DDX1: variants seen among roughly 807,000 people sequenced by gnomAD.
DDX1 encodes the protein DEAD-box helicase 1, also known as ATP-dependent RNA helicase DDX1.
A neutral mutation model predicts 108.7 loss-of-function variants in DDX1; 28 were observed. The ratio of observed to expected loss-of-function variants is 0.26; its 90% CI spans 0.19 to 0.35. The LOEUF (loss-of-function observed/expected upper bound fraction) is 0.35, where lower values mean the gene tolerates loss of function less well. Ranked by LOEUF, DDX1 falls within the 10% of genes least tolerant of loss-of-function variation. The pLI, the probability that DDX1 is intolerant of heterozygous loss-of-function variation, is 1.00. For missense variants in DDX1, 710 were observed against 884.5 expected (o/e 0.80, Z 2.50); for synonymous variants, 295 against 288.9 (o/e 1.02, Z -0.21).
At chr2:15,605,743 C>G (rs1474213387) in intron 10 of DDX1, among the ~76,000 whole-genome samples, 3 of 152,024 alleles carry the variant, frequency 2.0e-5, no homozygotes, top group African/African-American at 7.3e-5. Flanking sequence ...AACTTGTAGA[C>G]AGGGAGTAAT....
chr2:15,615,881 T>TA (rs1325126001), intron 14 of DDX1, among the ~76,000 whole-genome samples: 2 of 152,078 alleles, frequency 1.3e-5, no homozygotes, highest in Non-Finnish European at 2.9e-5. Flanking sequence ...ACACTTTATA[T>TA]ATTTTTATTT....
At chr2:15,624,505 AAGG>A (rs1445954633) in intron 19 of DDX1, among the ~76,000 whole-genome samples, 3 of 152,144 alleles carry the variant, frequency 2.0e-5, no homozygotes, top group Non-Finnish European at 2.9e-5. Flanking sequence ...TGGCAGCAGG[AAGG>A]AGAAGTGCCA....
At position 15,625,238 on chromosome 2, in the gene DDX1, A is replaced by G. The variant is rs552006949; in HGVS notation, c.1594+1656A>G. ...TACACTGTATCAATCTATTTATATG[A>G]CATTTTTAAAAAGTCAGAACTAATC... On this transcript the variant is annotated intron_variant, in intron 19 of 25. Transcript: ENST00000233084. Among the ~76,000 whole-genome samples the G allele has an allele frequency of 9.2e-5, 14 of 152,154 alleles. No individual in the cohort carries two copies. In the East Asian group the frequency reaches 2.5e-3, roughly 27 times the overall value.
chr2:15,605,913 G>C, intron 10 of DDX1, 37 bp from the exon 11 acceptor site: 1 of 1,406,652 alleles, frequency 7.1e-7, no homozygotes, highest in Non-Finnish European at 9.6e-7. Flanking sequence ...GGTCTTTTCT[G>C]ATTGTTTTAA....
rs1336065219 is a variant in DDX1 at position 15,628,840 on chromosome 2, G to A, written c.1875+1G>A. The stretch of plus-strand genomic sequence containing the variant: ...CCTGGTGGCAACAGAAAAAGAAAAG[G>A]TAATCTTTGTAGGGCTCTATTATAT... On this transcript the variant is annotated splice_donor_variant, in intron 23 of 25. Coordinates refer to ENST00000233084, the MANE Select transcript of DDX1 (RefSeq NM_004939.3). LOFTEE classifies it high-confidence loss of function. The A allele has an allele frequency of 6.2e-7, 1 of 1,612,398 alleles. No individual in the cohort carries two copies. The highest frequency in any genetic ancestry group is 2.2e-5 in the East Asian group (1 of 44,856).
At chr2:15,597,334 T>G in intron 4 of DDX1, 41 bp from the exon 5 acceptor site, 1 of 1,237,490 alleles carries the variant, frequency 8.1e-7, no homozygotes, top group Non-Finnish European at 1.2e-6. Flanking sequence ...TTGTCGTTAA[T>G]ATGTGAATAC....
At chr2:15,599,820 A>T in intron 6 of DDX1, 104 bp downstream of exon 6, 1 of 821,174 alleles carries the variant, frequency 1.2e-6, no homozygotes. Context: ...TTTACCAGAT[A>T]TTAGAATTTA....
At chr2:15,608,663 G>GTTTTGTT (rs1665706326) in intron 13 of DDX1, among the ~76,000 whole-genome samples, 39 of 106,724 alleles carry the variant, frequency 3.7e-4, no homozygotes, top group African/African-American at 4.1e-4. Context: ...TTTTTTTTAG[G>GTTTTGTT]TTTTTTTTTT....
intron 6 of DDX1, among the ~76,000 whole-genome samples, chr2:15,601,089 C>T (rs996188268): frequency 9.9e-5 from 15 of 152,008 alleles, no homozygotes; most frequent in African/African-American, 3.6e-4. Flanking sequence ...GATTCTGACA[C>T]CAATTCTGAG....
At chr2:15,616,870 A>G (rs984799225) in intron 14 of DDX1, among the ~76,000 whole-genome samples, 5 of 152,354 alleles carry the variant, frequency 3.3e-5, no homozygotes, top group East Asian at 3.8e-4. Context: ...GAAAATTGGT[A>G]CTAGAGGAGA....
chr2:15,615,747 A>T (rs576084251), intron 14 of DDX1, among the ~76,000 whole-genome samples: 1 of 152,192 alleles, frequency 6.6e-6, no homozygotes, highest in African/African-American at 2.4e-5. Flanking sequence ...GAAAACAGGT[A>T]AAAAAGAATG....
At chr2:15,610,648 A>G (rs909806890) in intron 13 of DDX1, among the ~76,000 whole-genome samples, 7 of 152,200 alleles carry the variant, frequency 4.6e-5, no homozygotes, top group Admixed American at 4.6e-4. Flanking sequence ...CCTTCAGGGC[A>G]TTTTATATAC....
chr2:15,596,276 CAGTT>C (rs1003431495), intron 3 of DDX1, among the ~76,000 whole-genome samples: 14 of 152,110 alleles, frequency 9.2e-5, no homozygotes, highest in African/African-American at 2.9e-4. Flanking sequence ...TGGAATATTT[CAGTT>C]GGTTGGTAGC....
intron 13 of DDX1, among the ~76,000 whole-genome samples, chr2:15,610,729 G>A (rs1558454799): frequency 6.6e-6 from 1 of 152,204 alleles, no homozygotes; most frequent in Non-Finnish European, 1.5e-5. Flanking sequence ...TCCTAATGTA[G>A]AAGAATATGT....
intron 20 of DDX1, 134 bp from the exon 21 acceptor site, chr2:15,628,311 G>C (rs1666132275): frequency 1.6e-6 from 1 of 629,214 alleles, no homozygotes; most frequent in African/African-American, 1.8e-5. Context: ...CAGTAAATTA[G>C]GAGTATGTCG....
At position 15,620,642 on chromosome 2, in the gene DDX1, A is replaced by G. The variant is rs548427191; in HGVS notation, c.1395+246A>G. Among the ~76,000 whole-genome samples the G allele has an allele frequency of 3.3e-5, 5 of 152,258 alleles. No homozygotes were observed. In the East Asian group the frequency reaches 7.7e-4, roughly 24 times the overall value. On this transcript the variant is annotated intron_variant, in intron 17 of 25. Transcript: ENST00000233084. The stretch of plus-strand genomic sequence containing the variant: ...TACAGTCTTTATAAGTAAATAACAT[A>G]TATTTATCTAATTTCAGATACAATG...
At position 15,591,945 on chromosome 2, in the gene DDX1, C is replaced by CA; in HGVS notation, c.12_13insA (p.Ser5IlefsTer8). 7.0e-7 allele frequency: 1 copy of CA among 1,435,250 alleles called. No individual in the cohort carries two copies. Among genetic ancestry groups the CA allele is most frequent in the South Asian group, 1.5e-5 (1 of 68,440 alleles). The allele number at this position is 1,435,250 out of a possible 1,614,324, so 88.9% of individuals were successfully genotyped here. A position where few individuals can be genotyped will look rare whatever the true frequency, so the allele number is the denominator to read the frequency against. On this transcript the variant is annotated frameshift_variant, in exon 1 of 26. Transcript: ENST00000233084. LOFTEE classifies it high-confidence loss of function. ...AGGACGGGGTGAAGATGGCGGCCTT[C>CA]TCCGGTGCGTTTGTGGAAACTCTGG...
rs1489969037 is a variant in DDX1 at position 15,623,457 on chromosome 2, A to C, written c.1469A>C (p.Lys490Thr). 1 of 1,613,442 alleles carries C rather than the reference A, an allele frequency of 6.2e-7. No homozygotes were observed. Among genetic ancestry groups the C allele is most frequent in the Non-Finnish European group, 8.5e-7 (1 of 1,179,674 alleles). Residue 490 changes from lysine (K) to threonine (T), a missense_variant, in exon 19 of 26, where the codon AAA becomes ACA. Transcript: ENST00000233084. ...CAAGAGATGTGGTCTGAAGCTATTA[A>C]AATCCTGAAAGGGGAGTATGCTGTC... ...NSPEMWSEAI[K>T]ILKGEYAVRA...
chr2:15,618,199 G>A lies in DDX1; in HGVS notation c.1135G>A (p.Gly379Ser). The A allele has an allele frequency of 6.3e-7, 1 of 1,586,368 alleles. No individual in the cohort carries two copies. Among genetic ancestry groups the A allele is most frequent in the Non-Finnish European group, 8.6e-7 (1 of 1,159,872 alleles). The part of the protein sequence containing the change: ...LDEADGLLSQ[G>S]YSDFINRMHN... ...CATGCAGGATGGGCTTCTTTCTCAA[G>A]GTTATTCTGATTTTATAAATAGGAT... is the stretch of plus-strand genomic sequence containing the variant. The change falls in exon 16 of 26, where the codon GGT becomes AGT. Residue 379 changes from glycine to serine, a missense_variant. Physicochemically the swap from Gly to Ser is moderately conservative, Grantham distance 56 (BLOSUM62 0). Around this residue, in one of 3 missense-constraint regions of DDX1, gnomAD observed 661 missense variants for 810.2 expected, o/e 0.82. Transcript: ENST00000233084.
Sources: gnomAD v4.1 joint callset for allele counts (sites outside exome capture counted in the v4.1 genomes callset) on GRCh38, gnomAD v4.1.1 for gene constraint, gnomAD v4.1.1 regional missense constraint, MANE v1.5 for transcripts, NCBI Gene and HGNC (gene_info 2026-07-23, HGNC 2026-07-21) for gene names.